MAD1L1: variants seen among roughly 807,000 people sequenced by gnomAD.
The protein encoded by MAD1L1 is mitotic spindle assembly checkpoint protein MAD1.
In MAD1L1, 95 loss-of-function variants were observed where a neutral mutation model predicts 96.9. That is an observed-to-expected ratio of 0.98 (90% CI 0.83 to 1.16). The LOEUF (loss-of-function observed/expected upper bound fraction) is 1.16, where lower values mean the gene tolerates loss of function less well. Ranked by LOEUF, MAD1L1 falls within the 50% of genes most tolerant of loss-of-function variation. MAD1L1 has a pLI of 0.00. For synonymous variants in MAD1L1, 473 were observed against 396.6 expected, an observed-to-expected ratio of 1.19 and a Z score of -2.29; for missense variants, 1,007 against 954.4, an observed-to-expected ratio of 1.06 and a Z score of -0.73.
chr7:1,857,057 G>A (rs1181776897), intron 18 of MAD1L1, among the ~76,000 whole-genome samples: 1 of 152,234 alleles, frequency 6.6e-6, no homozygotes, highest in Non-Finnish European at 1.5e-5. Flanking sequence ...GGAGCTGCGG[G>A]GAGCAGACTG....
chr7:1,968,436 G>A lies in MAD1L1; in HGVS notation c.1506-10717C>T, dbSNP rs572478202. On this transcript the variant is annotated intron_variant, in intron 15 of 18. Transcript: ENST00000265854. The surrounding 1 kb of genome is among the most constrained non-coding windows in gnomAD (Gnocchi z 5.6). ...CCTCAGTCCGGCGATCAGGTCCACC[G>A]TCAACGCCAGCAGTCATGTCCACCA... is the stretch of plus-strand genomic sequence containing the variant. Among the ~76,000 whole-genome samples, 19 of 148,532 alleles carry A rather than the reference G, an allele frequency of 1.3e-4. No homozygotes were observed. In the South Asian group the frequency reaches 3.7e-3, roughly 29 times the overall value.
chr7:2,221,057 C>T (rs1401168775), intron 5 of MAD1L1: 1 of 1,602,196 alleles, frequency 6.2e-7, no homozygotes, highest in Non-Finnish European at 8.5e-7. Flanking sequence ...GCCTAGTGCG[C>T]AGGGAGGGCT....
intron 12 of MAD1L1, among the ~76,000 whole-genome samples, chr7:2,039,814 G>T (rs192266520): frequency 6.6e-6 from 1 of 151,886 alleles, no homozygotes; most frequent in African/African-American, 2.4e-5. Flanking sequence ...TCTCTACCTT[G>T]TCTTTTCATC....
chr7:2,000,854 C>T (rs1410826254), intron 14 of MAD1L1, among the ~76,000 whole-genome samples: 2 of 152,192 alleles, frequency 1.3e-5, no homozygotes, highest in Non-Finnish European at 2.9e-5. Flanking sequence ...CCCAGACCCG[C>T]GCGGTGCCCT....
At chr7:2,080,764 G>A (rs114995717) in intron 11 of MAD1L1, among the ~76,000 whole-genome samples, 169 of 152,292 alleles carry the variant, frequency 1.1e-3, no homozygotes, top group African/African-American at 3.6e-3. Context: ...ATGAAGATGC[G>A]TGTGGTTGGG....
At chr7:1,819,801 C>A (rs776460454) in intron 18 of MAD1L1, among the ~76,000 whole-genome samples, 7 of 151,840 alleles carry the variant, frequency 4.6e-5, no homozygotes, top group Non-Finnish European at 1.0e-4. Flanking sequence ...CACCACCAAC[C>A]GCAGGATGTG....
At chr7:1,818,476 G>A (rs1781945928) in intron 18 of MAD1L1, among the ~76,000 whole-genome samples, 1 of 152,150 alleles carries the variant, frequency 6.6e-6, no homozygotes, top group East Asian at 1.9e-4. Context: ...TCGAGCTCCC[G>A]GACTCAAGTG....
chr7:2,077,041 G>A (rs933062670), intron 11 of MAD1L1, among the ~76,000 whole-genome samples: 6 of 144,548 alleles, frequency 4.2e-5, no homozygotes, highest in South Asian at 2.3e-4. Context: ...ACAGAGTTAC[G>A]ACTTGGTGAG....
intron 14 of MAD1L1, among the ~76,000 whole-genome samples, chr7:1,999,995 C>A (rs890012336): frequency 6.6e-6 from 1 of 152,178 alleles, no homozygotes; most frequent in African/African-American, 2.4e-5. Flanking sequence ...GAGGCTTGAG[C>A]CTCCAGTTCT....
chr7:2,003,750 G>A (rs1247176511), intron 13 of MAD1L1, among the ~76,000 whole-genome samples: 1 of 152,162 alleles, frequency 6.6e-6, no homozygotes, highest in Non-Finnish European at 1.5e-5. Flanking sequence ...CTGCCCTGGG[G>A]GAGGCCCTGG....
intron 11 of MAD1L1, among the ~76,000 whole-genome samples, chr7:2,105,170 C>T (rs951129518): frequency 3.3e-5 from 5 of 152,182 alleles, no homozygotes; most frequent in Non-Finnish European, 7.3e-5. Context: ...AACACCGCAC[C>T]GTCCTGCTTG....
At chr7:2,181,992 G>T (rs1476418004) in intron 10 of MAD1L1, among the ~76,000 whole-genome samples, 1 of 152,122 alleles carries the variant, frequency 6.6e-6, no homozygotes, top group Non-Finnish European at 1.5e-5. Flanking sequence ...AGGACACAAA[G>T]GTGTAAGAGG....
Position 1,988,078 on chromosome 7 carries a change from C to T in MAD1L1, c.1417-7537G>A, listed in dbSNP as rs564010932. ...GAGAGGCGAGGAGCGGCAGGAGGCCCGTGAGGGAGGGGAGACCCAGAAGAA... is the reference window on the plus strand; with the variant it reads ...GAGAGGCGAGGAGCGGCAGGAGGCCTGTGAGGGAGGGGAGACCCAGAAGAA... On this transcript the variant is annotated intron_variant, in intron 14 of 18. Coordinates refer to ENST00000265854, the MANE Select transcript of MAD1L1 (RefSeq NM_001013836.2). Among the ~76,000 whole-genome samples the T allele has an allele frequency of 4.0e-4, 61 of 152,184 alleles. 1 individual carries two copies. Among genetic ancestry groups the T allele is most frequent in the Non-Finnish European group, 5.1e-4 (35 of 68,020 alleles).
intron 6 of MAD1L1, among the ~76,000 whole-genome samples, chr7:2,218,507 A>ACC (rs1793415703): frequency 6.6e-6 from 1 of 152,062 alleles, no homozygotes; most frequent in African/African-American, 2.4e-5. Context: ...TCCTGACTGC[A>ACC]CCTCCAGACA....
At chr7:2,016,384 A>G (rs1188137178) in intron 12 of MAD1L1, among the ~76,000 whole-genome samples, 2 of 152,124 alleles carry the variant, frequency 1.3e-5, no homozygotes, top group Non-Finnish European at 2.9e-5. Context: ...AGACCAGCTC[A>G]CTCAGGCAGC....
chr7:1,824,533 C>T (rs527327488), intron 18 of MAD1L1, among the ~76,000 whole-genome samples: 22 of 152,294 alleles, frequency 1.4e-4, no homozygotes, highest in African/African-American at 5.3e-4. Flanking sequence ...ATGGCCTCTA[C>T]TGGGAAGTGA....
In MAD1L1 at chr7:2,119,735, G is replaced by T. The variant is rs1319734841; in HGVS notation, c.1073+29417C>A. Among the ~76,000 whole-genome samples the T allele has an allele frequency of 6.6e-6, 1 of 152,140 alleles. No individual in the cohort carries two copies. The highest frequency in any genetic ancestry group is 2.4e-5 in the African/African-American group (1 of 41,414). On this transcript the variant is annotated intron_variant, in intron 11 of 18. Coordinates refer to ENST00000265854, the MANE Select transcript of MAD1L1 (RefSeq NM_001013836.2). This position sits in a 1 kb window ranked among gnomAD's most constrained non-coding sequence, Gnocchi z 4.6. Reference sequence around the variant, plus strand: ...GAGGGAGAGCCTGCCAGTCCAGCAGGGGACCCCTCAGCACAGTCCTGGCTG... The same window carrying T: ...GAGGGAGAGCCTGCCAGTCCAGCAGTGGACCCCTCAGCACAGTCCTGGCTG...
At chr7:2,155,604 C>T (rs777730895) in intron 10 of MAD1L1, among the ~76,000 whole-genome samples, 8 of 152,216 alleles carry the variant, frequency 5.3e-5, no homozygotes, top group Non-Finnish European at 1.0e-4. Flanking sequence ...ATCACGTCCT[C>T]AAGGCTCATC....
chr7:1,863,388 A>G (rs1466202075), intron 18 of MAD1L1, among the ~76,000 whole-genome samples: 1 of 152,314 alleles, frequency 6.6e-6, no homozygotes, highest in South Asian at 2.1e-4. Context: ...GGCCAGCGGC[A>G]CGGCCGTCAC....
Sources: gnomAD v4.1 joint callset for allele counts (sites outside exome capture counted in the v4.1 genomes callset) on GRCh38, gnomAD v4.1.1 for gene constraint, Gnocchi (gnomAD v3.1) non-coding constraint, MANE v1.5 for transcripts, NCBI Gene and HGNC (gene_info 2026-07-23, HGNC 2026-07-21) for gene names.